Variants in MBD2 observed in about 807,000 individuals in gnomAD.
The protein encoded by MBD2 is methyl-CpG-binding domain protein 2.
Under a neutral mutation model 39.3 loss-of-function variants are expected in MBD2, and 9 were observed. The observed-to-expected ratio is 0.23, with a 90% CI of 0.14 to 0.40. The LOEUF (loss-of-function observed/expected upper bound fraction) is 0.40. MBD2 is among the 10% of genes least tolerant of loss of function. MBD2 has a pLI of 1.00. For synonymous variants in MBD2, 233 were observed against 211.1 expected (o/e 1.10, Z -0.90); for missense variants, 458 against 532.6 (o/e 0.86, Z 1.38).
chr18:54,219,505 A>G (rs2086591595), intron 1 of MBD2, among the ~76,000 whole-genome samples: 1 of 152,232 alleles, frequency 6.6e-6, no homozygotes, highest in Non-Finnish European at 1.5e-5. Flanking sequence ...TACAAGGGAC[A>G]CCAAGTTTAA....
At chr18:54,193,309 TCTTCA>T (rs1568086719) in intron 2 of MBD2, among the ~76,000 whole-genome samples, 1 of 152,214 alleles carries the variant, frequency 6.6e-6, no homozygotes, top group Non-Finnish European at 1.5e-5. Context: ...TCTTCTTATA[TCTTCA>T]ATATAAGAAA....
chr18:54,157,444 AG>A (rs1394446731), intron 6 of MBD2, among the ~76,000 whole-genome samples: 5 of 152,014 alleles, frequency 3.3e-5, no homozygotes, highest in African/African-American at 1.2e-4. Flanking sequence ...TATTTTTAGT[AG>A]AGACAGGGTT....
chr18:54,199,256 C>T (rs1017287989), intron 2 of MBD2, among the ~76,000 whole-genome samples: 2 of 152,146 alleles, frequency 1.3e-5, no homozygotes, highest in Non-Finnish European at 2.9e-5. Flanking sequence ...GGTAAAGTCA[C>T]CAGTTGCTTC....
intron 3 of MBD2, among the ~76,000 whole-genome samples, chr18:54,184,207 C>G (rs1445135282): frequency 1.3e-5 from 2 of 152,012 alleles, no homozygotes; most frequent in Non-Finnish European, 2.9e-5. Context: ...AGACGGGTAG[C>G]GGTCTGTGGC....
chr18:54,161,188 G>A (rs1255777875), intron 5 of MBD2, among the ~76,000 whole-genome samples: 1 of 152,062 alleles, frequency 6.6e-6, no homozygotes, highest in African/African-American at 2.4e-5. Flanking sequence ...CTATGTCCAA[G>A]GTAGTCAAGG....
intron 1 of MBD2, among the ~76,000 whole-genome samples, chr18:54,216,882 G>A (rs1229890375): frequency 2.0e-5 from 3 of 152,196 alleles, no homozygotes; most frequent in African/African-American, 7.2e-5. Context: ...CCTGAGTTCA[G>A]GAGTTCGAGA....
At chr18:54,157,888 A>G (rs1388353501) in intron 6 of MBD2, among the ~76,000 whole-genome samples, 1 of 151,568 alleles carries the variant, frequency 6.6e-6, no homozygotes, top group African/African-American at 2.4e-5. Context: ...CTCCAGCTAT[A>G]TCTCAGATCT....
At chr18:54,161,726 G>C (rs1463773202) in intron 5 of MBD2, among the ~76,000 whole-genome samples, 1 of 152,220 alleles carries the variant, frequency 6.6e-6, no homozygotes, top group Admixed American at 6.5e-5. Context: ...AGGCAGAATT[G>C]TAAGATGGTC....
At chr18:54,213,849 T>C (rs1482568824) in intron 1 of MBD2, among the ~76,000 whole-genome samples, 2 of 152,210 alleles carry the variant, frequency 1.3e-5, no homozygotes, top group Non-Finnish European at 2.9e-5. Flanking sequence ...TGTATGTAGG[T>C]ATATGTGTGT....
chr18:54,203,028 G>C, intron 2 of MBD2: 1 of 1,244,142 alleles, frequency 8.0e-7, no homozygotes, highest in Non-Finnish European at 1.2e-6. Context: ...ATTCCAAGCA[G>C]AGCAAACAGC....
chr18:54,201,029 A>G (rs2086403620), intron 2 of MBD2, among the ~76,000 whole-genome samples: 3 of 151,798 alleles, frequency 2.0e-5, no homozygotes, highest in East Asian at 1.9e-4. Flanking sequence ...GCAGTGAGCC[A>G]AGATCACGCC....
intron 1 of MBD2, among the ~76,000 whole-genome samples, chr18:54,219,416 G>C (rs1432651559): frequency 2.0e-5 from 3 of 152,184 alleles, no homozygotes. Context: ...TTTAGCATCT[G>C]AGTGTTTGGC....
intron 1 of MBD2, among the ~76,000 whole-genome samples, chr18:54,218,681 G>C (rs1449454175): frequency 6.6e-6 from 1 of 152,186 alleles, no homozygotes; most frequent in African/African-American, 2.4e-5. Flanking sequence ...CAGTATGATA[G>C]GCTGGGCGCG....
Position 54,223,938 on chromosome 18 carries a change from CTCA to C in MBD2, c.542+77_542+79del, listed in dbSNP as rs2086636163. ...GCCACATGCCCCCCGGGCCCCAGCGCTCATCCTCTGCCCAGGCCCGCTCTTGAC... is the reference window on the plus strand; with the variant it reads ...GCCACATGCCCCCCGGGCCCCAGCGCTCCTCTGCCCAGGCCCGCTCTTGAC... On this transcript the variant is annotated intron_variant, in intron 1 of 6. Transcript: ENST00000256429. The C allele has an allele frequency of 4.7e-6, 6 of 1,265,772 alleles. No homozygotes were observed. In the Admixed American group the frequency reaches 1.3e-4, roughly 28 times the overall value. 78.4% of individuals were successfully genotyped at this position (1,265,772 alleles called of 1,614,324 possible). A position where few individuals can be genotyped will look rare whatever the true frequency, so the allele number is the denominator to read the frequency against.
chr18:54,185,870 A>G (rs914104147), intron 3 of MBD2, among the ~76,000 whole-genome samples: 1 of 152,156 alleles, frequency 6.6e-6, no homozygotes, highest in African/African-American at 2.4e-5. Flanking sequence ...TTTAATTATA[A>G]GTAGAAATCA....
chr18:54,223,980 C>T, intron 1 of MBD2, 38 bp downstream of exon 1: 1 of 1,442,636 alleles, frequency 6.9e-7, no homozygotes, highest in East Asian at 2.5e-5. Context: ...TGACCCCGGC[C>T]TGACCCCGCC....
At chr18:54,209,464 T>C (rs1264522266) in intron 1 of MBD2, among the ~76,000 whole-genome samples, 2 of 152,214 alleles carry the variant, frequency 1.3e-5, no homozygotes, top group African/African-American at 2.4e-5. Context: ...TAAATTCTTA[T>C]TCATAATGAA....
At chr18:54,222,229 C>T in intron 1 of MBD2, 1 of 380,578 alleles carries the variant, frequency 2.6e-6, no homozygotes, top group Non-Finnish European at 5.3e-6. Context: ...AACTAATGAA[C>T]TTGAGAAAAC....
rs1017350966 is a variant in MBD2, at chr18:54,205,015, G to A, written c.685C>T (p.Pro229Ser). The stretch of plus-strand genomic sequence containing the variant: ...TAACCAACCTTATTTTGATTGAGAG[G>A]ATCGTTTCGCAGTCTCTGTTTGTTC... Reference protein sequence around the residue: ...QKNKQRLRNDPLNQNKGKPDL... With the variant: ...QKNKQRLRNDSLNQNKGKPDL... Residue 229 changes from proline to serine, a missense_variant, in exon 2 of 7, where the codon CCT becomes TCT. Pro to Ser is a moderately conservative substitution (Grantham distance 74). Around this residue, in one of 2 missense-constraint regions of MBD2, gnomAD observed 189 missense variants for 296.6 expected, o/e 0.64. Transcript: ENST00000256429. The A allele has an allele frequency of 1.9e-6, 3 of 1,613,396 alleles. No individual in the cohort carries two copies. The highest frequency in any genetic ancestry group is 3.3e-5 in the Admixed American group (2 of 59,854).
Sources: allele counts gnomAD v4.1 joint callset (sites outside exome capture counted in the v4.1 genomes callset), GRCh38; gene constraint gnomAD v4.1.1; regional missense constraint gnomAD v4.1.1; transcripts MANE v1.5; gene names NCBI Gene and HGNC (gene_info 2026-07-23, HGNC 2026-07-21).